The following WDR11 variants were observed in gnomAD, a reference collection of about 807,000 sequenced individuals.
WDR11 encodes WD repeat domain 11.
WDR11 carries 83 observed loss-of-function variants against 151.2 expected under a neutral mutation model. The observed-to-expected ratio is 0.55, with a 90% CI of 0.46 to 0.66. WDR11 has a LOEUF of 0.66. WDR11 is among the 30% of genes least tolerant of loss of function. The pLI, the probability that WDR11 is intolerant of heterozygous loss-of-function variation, is 0.00. For missense variants in WDR11, 1,301 were observed against 1,480.9 expected (o/e 0.88, Z 1.99); for synonymous variants, 484 against 533.1 (o/e 0.91, Z 1.27).
At chr10:120,860,739 GT>G (rs1290791190) in intron 4 of WDR11, among the ~76,000 whole-genome samples, 1 of 152,002 alleles carries the variant, frequency 6.6e-6, no homozygotes, top group Non-Finnish European at 1.5e-5. Context: ...GCCTAAGCAA[GT>G]TTTTTCTTGC....
At chr10:120,891,367 G>C (rs1201781112) in intron 19 of WDR11, among the ~76,000 whole-genome samples, 2 of 152,094 alleles carry the variant, frequency 1.3e-5, no homozygotes, top group East Asian at 3.9e-4. Flanking sequence ...CAAATTAGCA[G>C]ATTGCAGTAT....
At position 120,902,337 on chromosome 10, in the gene WDR11, T is replaced by C. The variant is rs374229216; in HGVS notation, c.2753+15T>C. The stretch of plus-strand genomic sequence containing the variant: ...CTTGTTTCAAGGTAATATTGTTTGA[T>C]GTATTCTGTATAAGAGACAGGATTT... On this transcript the variant is annotated intron_variant, in intron 22 of 28. Coordinates refer to ENST00000263461, the MANE Select transcript of WDR11 (RefSeq NM_018117.12). 4.4e-6 allele frequency: 7 copies of C among 1,607,438 alleles called. No homozygotes were observed. The highest frequency in any genetic ancestry group is 1.7e-5 in the Admixed American group (1 of 59,984).
chr10:120,852,723 G>T (rs1278747678), intron 2 of WDR11, 88 bp downstream of exon 2: 5 of 1,139,688 alleles, frequency 4.4e-6, no homozygotes, highest in Non-Finnish European at 5.2e-6. Flanking sequence ...AGTCTTACGT[G>T]TAAGTGTTGA....
intron 13 of WDR11, 108 bp downstream of exon 13, chr10:120,881,009 TTTAGTGATAGCAA>T (rs1846986166): frequency 3.1e-6 from 3 of 961,928 alleles, no homozygotes; most frequent in Non-Finnish European, 4.8e-6. Context: ...ATGGAATCTT[TTTAGTGATAGCAA>T]ATGGTGATAT....
chr10:120,908,853 T>A lies in WDR11; in HGVS notation c.*140T>A. On this transcript the variant is annotated 3_prime_UTR_variant, in exon 29 of 29. Coordinates refer to ENST00000263461, the MANE Select transcript of WDR11 (RefSeq NM_018117.12). ...TTGACCACTGTTCTAAGACTATGTGTGCCCAAAAGCACATAAGCATCTATG... is the reference window on the plus strand; with the variant it reads ...TTGACCACTGTTCTAAGACTATGTGAGCCCAAAAGCACATAAGCATCTATG... 1 of 888,418 alleles carries A rather than the reference T, an allele frequency of 1.1e-6. No individual in the cohort carries two copies. Among genetic ancestry groups the A allele is most frequent in the Non-Finnish European group, 1.8e-6 (1 of 549,052 alleles). 55.0% of individuals were successfully genotyped at this position (888,418 alleles called of 1,614,324 possible).
At position 120,904,705 on chromosome 10, in the gene WDR11, T is replaced by C. The variant is rs756059106; in HGVS notation, c.3087T>C (p.Cys1029=). Residue 1029 remains cysteine, a synonymous_variant, in exon 25 of 29, where the codon TGT becomes TGC. Transcript: ENST00000263461. The part of the protein sequence containing the change: ...ETSADNQHYY[C]DSLKACLVTT... ...GTGCAGATAACCAGCATTATTACTG[T>C]GATTCACTGAAAGCCTGTTTAGTCA... 1 of 1,614,206 alleles carries C rather than the reference T, an allele frequency of 6.2e-7. No individual in the cohort carries two copies. The highest frequency in any genetic ancestry group is 1.1e-5 in the South Asian group (1 of 91,088).
intron 10 of WDR11, among the ~76,000 whole-genome samples, chr10:120,872,224 T>G (rs1337880109): frequency 6.6e-6 from 1 of 152,238 alleles, no homozygotes; most frequent in African/African-American, 2.4e-5. Context: ...TCTGTGCCTA[T>G]CTTTTGAAAG....
Position 120,860,214 on chromosome 10 carries a change from G to C in WDR11, c.458G>C (p.Trp153Ser), listed in dbSNP as rs952222466. ...AATGCCGACACTGGCACCAAACTAT[G>C]GAAGAAGAGCTATGCAGATAACATT... ...LWNADTGTKLWKKSYADNILS... is the reference protein window; with the variant it reads ...LWNADTGTKLSKKSYADNILS... Residue 153 changes from tryptophan (W) to serine (S), a missense_variant, in exon 4 of 29, where the codon TGG becomes TCG. This residue lies in a region of WDR11 where 692 missense variants were observed against 762.5 expected (regional missense o/e 0.91). Transcript: ENST00000263461. The C allele has an allele frequency of 6.2e-7, 1 of 1,613,994 alleles. No individual in the cohort carries two copies. Among genetic ancestry groups the C allele is most frequent in the Non-Finnish European group, 8.5e-7 (1 of 1,180,028 alleles).
chr10:120,889,661 C>T (rs1289490242), intron 17 of WDR11: 1 of 539,000 alleles, frequency 1.9e-6, no homozygotes, highest in Non-Finnish European at 3.3e-6. Context: ...GAGGATGGGC[C>T]TTGAGCCAAG....
chr10:120,868,265 C>A (rs1338258476), intron 9 of WDR11, among the ~76,000 whole-genome samples: 1 of 151,928 alleles, frequency 6.6e-6, no homozygotes, highest in Non-Finnish European at 1.5e-5. Flanking sequence ...ACCAGCCTGG[C>A]CAACATAGTG....
rs879670963 is a variant in WDR11 at position 120,891,871 on chromosome 10, A to G, written c.2515+984A>G. Among the ~76,000 whole-genome samples, 10 of 152,270 alleles carry G rather than the reference A, an allele frequency of 6.6e-5. 1 individual carries two copies. Among genetic ancestry groups the G allele is most frequent in the South Asian group, 4.1e-4 (2 of 4,820 alleles). On this transcript the variant is annotated intron_variant, in intron 19 of 28. Coordinates refer to ENST00000263461, the MANE Select transcript of WDR11 (RefSeq NM_018117.12). ...CATTTGGGCACCACCACTTCTTACT[A>G]TGTAACTGACTGCCATCAGGTGAAG...
At chr10:120,882,544 G>GTT (rs367918882) in intron 13 of WDR11, among the ~76,000 whole-genome samples, 10 of 142,410 alleles carry the variant, frequency 7.0e-5, no homozygotes, top group Non-Finnish European at 9.3e-5. Flanking sequence ...ATTCAGTTTT[G>GTT]TTTTTTTTTT....
intron 16 of WDR11, 113 bp from the exon 17 acceptor site, chr10:120,888,965 A>G: frequency 1.3e-6 from 1 of 789,704 alleles, no homozygotes; most frequent in South Asian, 1.7e-5. Flanking sequence ...GGATTTGATG[A>G]CTAAAAGCAT....
Position 120,873,737 on chromosome 10 carries a change from A to G in WDR11, c.1472-102A>G, listed in dbSNP as rs568291254. On this transcript the variant is annotated intron_variant, in intron 10 of 28. Coordinates refer to ENST00000263461, the MANE Select transcript of WDR11 (RefSeq NM_018117.12). ...ACATAGTTTGGGTTTCTTTTATAAA[A>G]GATAAATGTGTTAAGTGATTAAAGT... The G allele has an allele frequency of 6.2e-6, 5 of 811,014 alleles. No individual in the cohort carries two copies. The Admixed American group carries it at 8.7e-5, about 14-fold the overall frequency. 50.2% of individuals were successfully genotyped at this position (811,014 alleles called of 1,614,324 possible).
intron 28 of WDR11, 88 bp from the exon 29 acceptor site, chr10:120,908,468 G>A: frequency 7.0e-7 from 1 of 1,427,348 alleles, no homozygotes; most frequent in Non-Finnish European, 9.9e-7. Flanking sequence ...CAGCAGAGCA[G>A]ACGCGACTCA....
intron 5 of WDR11, 45 bp downstream of exon 5, chr10:120,862,966 T>C: frequency 7.8e-7 from 1 of 1,278,602 alleles, no homozygotes; most frequent in Non-Finnish European, 1.1e-6. Flanking sequence ...TTATCTGGTA[T>C]GAAAGCATCA....
rs147085555 is a variant in WDR11, at chr10:120,851,363, C to T, written c.-58C>T. The T allele has an allele frequency of 1.7e-5, 25 of 1,504,470 alleles. No individual in the cohort carries two copies. Among genetic ancestry groups the T allele is most frequent in the Non-Finnish European group, 2.2e-5 (24 of 1,099,024 alleles). 93.2% of individuals were successfully genotyped at this position (1,504,470 alleles called of 1,614,324 possible). Reference sequence around the variant, plus strand: ...CCGGACTCTGTTTGGAACGGAAGCACAGTGTCCGCCGCTTCCTGGTTGCGG... The same window carrying T: ...CCGGACTCTGTTTGGAACGGAAGCATAGTGTCCGCCGCTTCCTGGTTGCGG... On this transcript the variant is annotated 5_prime_UTR_variant, in exon 1 of 29. Coordinates refer to ENST00000263461, the MANE Select transcript of WDR11 (RefSeq NM_018117.12).
chr10:120,851,788 C>G lies in WDR11; in HGVS notation c.86+282C>G, dbSNP rs554505368. 1.3e-5 allele frequency: 7 copies of G among 538,420 alleles called. No homozygotes were observed. The African/African-American group carries it at 1.3e-4, about 10-fold the overall frequency. The allele number at this position is 538,420 out of a possible 1,614,324, so 33.4% of individuals were successfully genotyped here. ...CCCTTTTGCCGTTCCATTCCTCTCT[C>G]TTTTCCTCTCCTCCAGCTTCCAGGC... On this transcript the variant is annotated intron_variant, in intron 1 of 28. Transcript: ENST00000263461.
rs1266156973 is a variant in WDR11 at position 120,862,722 on chromosome 10, T to G, written c.527-13T>G. On this transcript the variant is annotated splice_polypyrimidine_tract_variant and intron_variant, in intron 4 of 28. Transcript: ENST00000263461. ...ATTAAACTTTAATCAGAGTTTTGCT[T>G]TTCTCAATATAGTGCTTACCAGCGA... 1.2e-6 allele frequency: 2 copies of G among 1,613,946 alleles called. No homozygotes were observed. The highest frequency in any genetic ancestry group is 1.7e-6 in the Non-Finnish European group (2 of 1,179,958).
Sources: allele counts gnomAD v4.1 joint callset (sites outside exome capture counted in the v4.1 genomes callset), GRCh38; gene constraint gnomAD v4.1.1; regional missense constraint gnomAD v4.1.1; transcripts MANE v1.5; gene names NCBI Gene and HGNC (gene_info 2026-07-23, HGNC 2026-07-21).